SYTL4: variants seen among roughly 807,000 people sequenced by gnomAD.
The protein encoded by SYTL4 is synaptotagmin-like protein 4.
SYTL4 carries 16 observed loss-of-function variants against 52.7 expected under a neutral mutation model. The ratio of observed to expected loss-of-function variants is 0.30; its 90% CI spans 0.21 to 0.46. SYTL4 has a LOEUF of 0.46. Ranked by LOEUF, SYTL4 falls within the 20% of genes least tolerant of loss-of-function variation. SYTL4 has a pLI of 1.00. For missense variants in SYTL4, 423 were observed against 519.9 expected (o/e 0.81, Z 1.81); for synonymous variants, 160 against 186.6 (o/e 0.86, Z 1.16).
chrX:100,687,665 C>T (rs1376702975), intron 13 of SYTL4: 1 of 123,136 alleles, frequency 8.1e-6, no homozygotes, highest in Non-Finnish European at 1.6e-5. Flanking sequence ...CTCTTATCCA[C>T]CTTATGTCTT....
rs1429416959 is a variant in SYTL4 at position 100,675,889 on chromosome X, TACACATACAC to T, written c.*129_*138del. ...GAGATTTGCAGAAAATACATGTTTG[TACACATACAC>T]ACACACACACACACACACACATACA... On this transcript the variant is annotated 3_prime_UTR_variant, in exon 20 of 20. Coordinates refer to ENST00000372989, the MANE Select transcript of SYTL4 (RefSeq NM_001370165.1). 12 of 401,662 alleles carry T rather than the reference TACACATACAC, an allele frequency of 3.0e-5. No individual in the cohort carries two copies. Among genetic ancestry groups the T allele is most frequent in the Middle Eastern group, 7.0e-4 (1 of 1,420 alleles). The allele number at this position is 401,662 out of a possible 1,213,427, so 33.1% of individuals were successfully genotyped here.
At chrX:100,719,697 G>T (rs1377501712) in intron 2 of SYTL4, among the ~76,000 whole-genome samples, 1 of 110,832 alleles carries the variant, frequency 9.0e-6, no homozygotes, top group Admixed American at 9.7e-5. Context: ...GGGGTGGGCA[G>T]CAGGGTGGAA....
intron 10 of SYTL4, 135 bp from the exon 11 acceptor site, chrX:100,690,300 A>C: frequency 2.0e-6 from 1 of 488,982 alleles, no homozygotes; most frequent in Non-Finnish European, 3.5e-6. Context: ...GAAAGATTAA[A>C]TGCCTAGAAA....
chrX:100,697,628 A>T (rs2083731301), intron 8 of SYTL4, among the ~76,000 whole-genome samples: 2 of 112,030 alleles, frequency 1.8e-5, no homozygotes, highest in Admixed American at 1.9e-4. Context: ...TAATAATATA[A>T]ATTCAATAAA....
At position 100,687,048 on chromosome X, in the gene SYTL4, A is replaced by G; in HGVS notation, c.1184+19T>C. 8.3e-7 allele frequency: 1 copy of G among 1,204,361 alleles called. No individual in the cohort carries two copies. The highest frequency in any genetic ancestry group is 2.4e-4 in the Middle Eastern group (1 of 4,220). On this transcript the variant is annotated intron_variant, in intron 14 of 19. Coordinates refer to ENST00000372989, the MANE Select transcript of SYTL4 (RefSeq NM_001370165.1). Reference sequence around the variant, plus strand: ...GGTCTCTGGTCTCAGAGCATCAGTCAGGTTCCAGAAGCACTCACGGGTTAG... The same window carrying G: ...GGTCTCTGGTCTCAGAGCATCAGTCGGGTTCCAGAAGCACTCACGGGTTAG...
intron 2 of SYTL4, among the ~76,000 whole-genome samples, chrX:100,725,593 A>C (rs888428444): frequency 1.8e-5 from 2 of 112,665 alleles, no homozygotes; most frequent in Non-Finnish European, 3.7e-5. Context: ...TGAACTTCAC[A>C]GAACTTATCA....
chrX:100,701,719 T>C (rs2083855968), intron 5 of SYTL4, 46 bp from the exon 6 acceptor site: 1 of 1,132,166 alleles, frequency 8.8e-7, no homozygotes, highest in Non-Finnish European at 1.2e-6. Context: ...AGGATATGCA[T>C]AGATTGGATG....
chrX:100,683,133 A>ATTTTT (rs559628938), intron 16 of SYTL4, among the ~76,000 whole-genome samples: 2 of 53,971 alleles, frequency 3.7e-5, no homozygotes, highest in Non-Finnish European at 6.5e-5. Flanking sequence ...ACCTGCCTGT[A>ATTTTT]TTTTTTTTTT....
chrX:100,698,166 A>C lies in SYTL4; in HGVS notation c.539+2731T>G, dbSNP rs189285296. On this transcript the variant is annotated intron_variant, in intron 8 of 19. Transcript: ENST00000372989. ...TGCCCAGGCTGGAGTGCAGTGGAGC[A>C]ATCTTGGCTCAGTGCAAGCTCCGCC... Among the ~76,000 whole-genome samples the C allele has an allele frequency of 7.3e-3, 802 of 109,885 alleles. 58 individuals are homozygous for C. The East Asian group carries it at 0.13, about 18-fold the overall frequency.
chrX:100,719,115 A>T (rs149115096), intron 2 of SYTL4, among the ~76,000 whole-genome samples: 2,297 of 111,640 alleles, frequency 0.021, 66 homozygotes, highest in African/African-American at 0.072. Context: ...TCCTTTTAAG[A>T]TATCCACCAA....
At chrX:100,715,486 C>A (rs1249433620) in intron 2 of SYTL4, among the ~76,000 whole-genome samples, 1 of 111,579 alleles carries the variant, frequency 9.0e-6, no homozygotes, top group Non-Finnish European at 1.9e-5. Flanking sequence ...CTACAAATTG[C>A]CATATATTTT....
At position 100,675,931 on chromosome X, in the gene SYTL4, CACACAT is replaced by C; in HGVS notation, c.*91_*96del. The C allele has an allele frequency of 1.0e-5, 9 of 881,405 alleles. No individual in the cohort carries two copies. Among genetic ancestry groups the C allele is most frequent in the Non-Finnish European group, 1.4e-5 (9 of 637,671 alleles). 72.6% of individuals were successfully genotyped at this position (881,405 alleles called of 1,213,427 possible). On this transcript the variant is annotated 3_prime_UTR_variant, in exon 20 of 20. Coordinates refer to ENST00000372989, the MANE Select transcript of SYTL4 (RefSeq NM_001370165.1). ...ACACACACACACACATACACACATA[CACACAT>C]ACACATTAAATTATAAATCTTTGCT...
In SYTL4 at chrX:100,674,588, C is replaced by T. The variant is rs1237640266; in HGVS notation, c.*1440G>A. The T allele has an allele frequency of 8.9e-6, 1 of 112,250 alleles. No homozygotes were observed. The highest frequency in any genetic ancestry group is 1.9e-5 in the Non-Finnish European group (1 of 53,204). The allele number at this position is 112,250 out of a possible 1,213,427, so 9.3% of individuals were successfully genotyped here. On this transcript the variant is annotated 3_prime_UTR_variant, in exon 20 of 20. Transcript: ENST00000372989. ...AGCCCGGGATCCCAAGTTATGCCTT[C>T]CATTACAATTGCAATCCACACCAAA...
chrX:100,709,745 G>A (rs1222740910), intron 2 of SYTL4, among the ~76,000 whole-genome samples: 2 of 112,260 alleles, frequency 1.8e-5, no homozygotes, highest in African/African-American at 6.5e-5. Context: ...AGAATGCTAA[G>A]TGTTACCTAT....
intron 2 of SYTL4, among the ~76,000 whole-genome samples, chrX:100,708,438 G>A (rs770383371): frequency 1.6e-3 from 174 of 111,530 alleles, no homozygotes; most frequent in African/African-American, 5.5e-3. Context: ...CAATAAGCTT[G>A]ATCTAAAGGA....
intron 13 of SYTL4, 81 bp from the exon 14 acceptor site, chrX:100,687,326 CCA>C: frequency 3.3e-6 from 3 of 903,524 alleles, no homozygotes; most frequent in Non-Finnish European, 4.7e-6. Context: ...CATGATAAAA[CCA>C]CAGTCACTGA....
intron 2 of SYTL4, among the ~76,000 whole-genome samples, chrX:100,715,160 G>A (rs57077104): frequency 0.024 from 2,673 of 110,710 alleles, 39 homozygotes; most frequent in South Asian, 0.1. Flanking sequence ...AGCTGGGATT[G>A]CAGGCACAAG....
chrX:100,723,732 C>T (rs1402328865), intron 2 of SYTL4, among the ~76,000 whole-genome samples: 2 of 109,485 alleles, frequency 1.8e-5, no homozygotes, highest in Non-Finnish European at 3.8e-5. Context: ...TCTGCCCGGC[C>T]GCCCCGTCTG....
rs1034156089 is a variant in SYTL4, at chrX:100,729,554, C to G, written c.-240+1864G>C. Among the ~76,000 whole-genome samples the G allele has an allele frequency of 4.5e-5, 5 of 111,553 alleles. No individual in the cohort carries two copies. In the East Asian group the frequency reaches 1.4e-3, roughly 31 times the overall value. On this transcript the variant is annotated intron_variant, in intron 2 of 19. Transcript: ENST00000372989. ...GTACCTCAACCCCACCATCACTACACCTCAGCCCCTTGAAGGAATGGCATG... is the reference window on the plus strand; with the variant it reads ...GTACCTCAACCCCACCATCACTACAGCTCAGCCCCTTGAAGGAATGGCATG...
Sources: gnomAD v4.1 joint callset for allele counts (sites outside exome capture counted in the v4.1 genomes callset) on GRCh38, gnomAD v4.1.1 for gene constraint, MANE v1.5 for transcripts, NCBI Gene and HGNC (gene_info 2026-07-23, HGNC 2026-07-21) for gene names.